The following HMMR variants were observed in gnomAD, a reference collection of about 807,000 sequenced individuals.
HMMR encodes intracellular hyaluronic acid-binding protein.
Under a neutral mutation model 101.0 loss-of-function variants are expected in HMMR, and 108 were observed. That is an observed-to-expected ratio of 1.07 (90% CI 0.92 to 1.25). HMMR has a LOEUF of 1.25. Among genes scored for constraint, HMMR ranks in the 50% most tolerant of loss-of-function variants. The probability of loss-of-function intolerance (pLI) is 0.00; values close to 1 mark genes in which losing one functional copy is unlikely to be tolerated. For synonymous variants in HMMR, 296 were observed against 276.4 expected, an observed-to-expected ratio of 1.07 and a Z score of -0.70; for missense variants, 813 against 788.7, an observed-to-expected ratio of 1.03 and a Z score of -0.37.
At position 163,464,741 on chromosome 5, in the gene HMMR, ATGT is replaced by A; in HGVS notation, c.167_169del (p.Val56del). On this transcript the variant is annotated inframe_deletion, in exon 3 of 18. Transcript: ENST00000393915. ...TCCGCAGAATCTAAACAAAATCTTAATGTTGACAAAGATACTACCTTGCCTGCT... is the reference window on the plus strand; with the variant it reads ...TCCGCAGAATCTAAACAAAATCTTAATGACAAAGATACTACCTTGCCTGCT... The A allele has an allele frequency of 1.2e-6, 2 of 1,611,464 alleles. No individual in the cohort carries two copies. Among genetic ancestry groups the A allele is most frequent in the South Asian group, 2.2e-5 (2 of 91,008 alleles).
At chr5:163,488,288 G>A (rs1264517746) in intron 16 of HMMR, among the ~76,000 whole-genome samples, 5 of 152,108 alleles carry the variant, frequency 3.3e-5, no homozygotes, top group Non-Finnish European at 7.4e-5. Flanking sequence ...AGTAAGGATA[G>A]TACTCAATAG....
At chr5:163,477,144 T>A (rs1307128376) in intron 11 of HMMR, among the ~76,000 whole-genome samples, 2 of 152,254 alleles carry the variant, frequency 1.3e-5, no homozygotes, top group Non-Finnish European at 2.9e-5. Context: ...TTTGTTTTGT[T>A]TTGTCCATAG....
At chr5:163,474,271 C>G in intron 10 of HMMR, 66 bp downstream of exon 10, 15 of 1,228,070 alleles carry the variant, frequency 1.2e-5, no homozygotes, top group Non-Finnish European at 1.7e-5. Context: ...TGTCTCTGAA[C>G]ACCTTTAAAT....
chr5:163,485,346 T>A (rs924783858), intron 16 of HMMR, among the ~76,000 whole-genome samples: 1 of 152,228 alleles, frequency 6.6e-6, no homozygotes, highest in Admixed American at 6.5e-5. Flanking sequence ...ACATTTGTTA[T>A]TATCTGACTT....
chr5:163,461,382 T>C (rs1758527464), intron 1 of HMMR, among the ~76,000 whole-genome samples: 1 of 152,196 alleles, frequency 6.6e-6, no homozygotes, highest in Admixed American at 6.5e-5. Flanking sequence ...CAGTGCTACA[T>C]TACCAAAGTG....
At chr5:163,479,141 ACT>A (rs1759171473) in intron 12 of HMMR, among the ~76,000 whole-genome samples, 1 of 151,774 alleles carries the variant, frequency 6.6e-6, no homozygotes, top group South Asian at 2.1e-4. Flanking sequence ...CTTCTGCCCT[ACT>A]CTCTTGATGT....
chr5:163,473,894 T>C (rs1444598808), intron 9 of HMMR, among the ~76,000 whole-genome samples, 163 bp from the exon 10 acceptor site: 1 of 152,044 alleles, frequency 6.6e-6, no homozygotes, highest in African/African-American at 2.4e-5. Context: ...ATTTAGCACA[T>C]AGTATATATT....
chr5:163,472,556 T>A lies in HMMR; in HGVS notation c.651-623T>A, dbSNP rs139364467. Among the ~76,000 whole-genome samples the A allele has an allele frequency of 4.5e-4, 69 of 152,284 alleles. No homozygotes were observed. The East Asian group carries it at 0.012, about 26-fold the overall frequency. ...GCCATTTTTATACACCCCCTGGCAA[T>A]GTATGATAGTTTCAGTTGTTCCAGA... On this transcript the variant is annotated intron_variant, in intron 7 of 17. Transcript: ENST00000393915.
intron 1 of HMMR, among the ~76,000 whole-genome samples, 200 bp from the exon 2 acceptor site, chr5:163,463,656 G>A (rs1014695667): frequency 6.6e-6 from 1 of 151,996 alleles, no homozygotes; most frequent in African/African-American, 2.4e-5. Flanking sequence ...CCTTTGACCC[G>A]GTTGATATAA....
At chr5:163,474,555 G>A (rs1185042363) in intron 10 of HMMR, 1 of 457,228 alleles carries the variant, frequency 2.2e-6, no homozygotes, top group African/African-American at 2.0e-5. Flanking sequence ...TTAAAATCCA[G>A]ATTATTTATA....
At position 163,491,295 on chromosome 5, in the gene HMMR, G is replaced by A. The variant is rs1022670157; in HGVS notation, c.*131G>A. 9.3e-6 allele frequency: 5 copies of A among 539,704 alleles called. No individual in the cohort carries two copies. Among genetic ancestry groups the A allele is most frequent in the Admixed American group, 7.4e-5 (2 of 27,154 alleles). 33.4% of individuals were successfully genotyped at this position (539,704 alleles called of 1,614,324 possible). On this transcript the variant is annotated 3_prime_UTR_variant, in exon 18 of 18. Coordinates refer to ENST00000393915, the MANE Select transcript of HMMR (RefSeq NM_001142556.2). The stretch of plus-strand genomic sequence containing the variant: ...CTGCCAATCCTTAAATATGTGAAAG[G>A]AACATTTTTTACCAAAGTGTCTTTT...
chr5:163,491,470 A>G lies in HMMR; in HGVS notation c.*306A>G, dbSNP rs1250959358. 2 of 201,636 alleles carry G rather than the reference A, an allele frequency of 9.9e-6. No homozygotes were observed. Among genetic ancestry groups the G allele is most frequent in the African/African-American group, 4.6e-5 (2 of 43,152 alleles). The allele number at this position is 201,636 out of a possible 1,614,324, so 12.5% of individuals were successfully genotyped here. On this transcript the variant is annotated 3_prime_UTR_variant, in exon 18 of 18. Transcript: ENST00000393915. Reference sequence around the variant, plus strand: ...TATTATCCTCCTGTTCTGAAACCTTAGTTTCAAGAGTCTAAACCCCAGATT... The same window carrying G: ...TATTATCCTCCTGTTCTGAAACCTTGGTTTCAAGAGTCTAAACCCCAGATT...
intron 9 of HMMR, 39 bp from the exon 10 acceptor site, chr5:163,474,018 T>C (rs1380029583): frequency 1.3e-6 from 2 of 1,552,784 alleles, no homozygotes; most frequent in Non-Finnish European, 1.8e-6. Context: ...TTAATGTTCT[T>C]ATCTAATTCC....
At chr5:163,463,591 G>C (rs900084613) in intron 1 of HMMR, among the ~76,000 whole-genome samples, 2 of 152,092 alleles carry the variant, frequency 1.3e-5, no homozygotes, top group African/African-American at 4.8e-5. Flanking sequence ...GCCATATATT[G>C]CCTGTAATAT....
chr5:163,472,053 T>A (rs61292050), intron 7 of HMMR, among the ~76,000 whole-genome samples: 1,483 of 127,534 alleles, frequency 0.012, 20 homozygotes, highest in African/African-American at 0.045. Flanking sequence ...TATTATTATT[T>A]ATTTTTTTTT....
rs1404478325 is a variant in HMMR at position 163,483,263 on chromosome 5, T to C, written c.1686-5T>C. The C allele has an allele frequency of 6.2e-6, 10 of 1,604,800 alleles. No individual in the cohort carries two copies. The highest frequency in any genetic ancestry group is 7.7e-6 in the Non-Finnish European group (9 of 1,173,532). Reference sequence around the variant, plus strand: ...TGTTTTTCTCAATTTAATTCTTCCATGCAGAAAAGCTGAAAAAGAAAATAC... The same window carrying C: ...TGTTTTTCTCAATTTAATTCTTCCACGCAGAAAAGCTGAAAAAGAAAATAC... On this transcript the variant is annotated splice_polypyrimidine_tract_variant and splice_region_variant and intron_variant, in intron 14 of 17. Coordinates refer to ENST00000393915, the MANE Select transcript of HMMR (RefSeq NM_001142556.2).
chr5:163,475,118 A>G (rs957893943), intron 10 of HMMR, among the ~76,000 whole-genome samples: 1 of 152,048 alleles, frequency 6.6e-6, no homozygotes, highest in African/African-American at 2.4e-5. Flanking sequence ...TTTATGTAAT[A>G]TGGAAATCAC....
chr5:163,483,427 T>C, intron 15 of HMMR, 60 bp downstream of exon 15: 1 of 928,384 alleles, frequency 1.1e-6, no homozygotes, highest in Non-Finnish European at 1.7e-6. Context: ...TTGTTCCCTA[T>C]TATAGTGAGG....
At chr5:163,462,133 A>G (rs901707174) in intron 1 of HMMR, among the ~76,000 whole-genome samples, 1 of 152,194 alleles carries the variant, frequency 6.6e-6, no homozygotes, top group African/African-American at 2.4e-5. Context: ...CGAGTAATCA[A>G]AGGACCTACT....
Sources: allele counts gnomAD v4.1 joint callset (sites outside exome capture counted in the v4.1 genomes callset), GRCh38; gene constraint gnomAD v4.1.1; transcripts MANE v1.5; gene names NCBI Gene and HGNC (gene_info 2026-07-23, HGNC 2026-07-21).